KHNYN: variants seen among roughly 807,000 people sequenced by gnomAD.
KHNYN encodes KH and NYN domain containing.
Under a neutral mutation model 62.7 loss-of-function variants are expected in KHNYN, and 42 were observed. The observed-to-expected ratio is 0.67, with a 90% CI of 0.52 to 0.87. KHNYN has a LOEUF of 0.87. Ranked by LOEUF, KHNYN falls within the 40% of genes least tolerant of loss-of-function variation. The probability of loss-of-function intolerance (pLI) is 0.00; values close to 1 mark genes in which losing one functional copy is unlikely to be tolerated. For synonymous variants in KHNYN, 347 were observed against 345.6 expected, an observed-to-expected ratio of 1.00 and a Z score of -0.04; for missense variants, 829 against 874.1, an observed-to-expected ratio of 0.95 and a Z score of 0.65.
At chr14:24,434,540 G>C (rs1268234830) in intron 5 of KHNYN, 6 of 192,280 alleles carry the variant, frequency 3.1e-5, no homozygotes. Flanking sequence ...GAGTAGCTGG[G>C]ACTTCAGGTG....
In KHNYN at chr14:24,440,106, C is replaced by T. The variant is rs754180727; in HGVS notation, c.*2821C>T. On this transcript the variant is annotated 3_prime_UTR_variant, in exon 8 of 8. Coordinates refer to ENST00000553935, the MANE Select transcript of KHNYN (RefSeq NM_015299.3). The stretch of plus-strand genomic sequence containing the variant: ...ACTTAGGCTACAATTTCCTTTAAGG[C>T]AGCCCCTAGCTCTGGGAAGGAATAC... The T allele has an allele frequency of 2.5e-6, 4 of 1,604,708 alleles. No homozygotes were observed. In the Admixed American group the frequency reaches 6.7e-5, roughly 27 times the overall value.
In KHNYN at chr14:24,437,013, C is replaced by T; in HGVS notation, c.1788-23C>T. 7.5e-6 allele frequency: 12 copies of T among 1,602,468 alleles called. No individual in the cohort carries two copies. Among genetic ancestry groups the T allele is most frequent in the Non-Finnish European group, 9.4e-6 (11 of 1,171,964 alleles). Reference sequence around the variant, plus strand: ...TTCCCCCCCAGGATGCTCATCAGCTCTTTTTGGTCTGTTTCTTCCCAGGAC... The same window carrying T: ...TTCCCCCCCAGGATGCTCATCAGCTTTTTTTGGTCTGTTTCTTCCCAGGAC... On this transcript the variant is annotated intron_variant, in intron 7 of 7. Transcript: ENST00000553935. This position sits in a 1 kb window ranked among gnomAD's most constrained non-coding sequence, Gnocchi z 5.5.
Position 24,432,181 on chromosome 14 carries a change from T to C in KHNYN, c.920T>C (p.Leu307Pro), listed in dbSNP as rs564740655. 3 of 1,572,456 alleles carry C rather than the reference T, an allele frequency of 1.9e-6. No homozygotes were observed. Among genetic ancestry groups the C allele is most frequent in the South Asian group, 2.4e-5 (2 of 84,572 alleles). The change falls in exon 3 of 8, where the codon CTG becomes CCG. Residue 307 changes from leucine (L) to proline (P), a missense_variant. Leu to Pro is a moderately conservative substitution (Grantham distance 98). Around this residue, in one of 2 missense-constraint regions of KHNYN, gnomAD observed 559 missense variants for 527.0 expected, o/e 1.06. Transcript: ENST00000553935. This position sits in a 1 kb window ranked among gnomAD's most constrained non-coding sequence, Gnocchi z 5.6. ...RESAPLKGKA[L>P]GKEEIALGGG... Reference sequence around the variant, plus strand: ...TCAGCACCCCTGAAAGGGAAGGCCCTGGGGAAGGAGGAGATAGCTCTGGGA... The same window carrying C: ...TCAGCACCCCTGAAAGGGAAGGCCCCGGGGAAGGAGGAGATAGCTCTGGGA...
chr14:24,441,276 A>G lies in KHNYN; in HGVS notation c.*3991A>G. ...AGAATTTTCACATCTTTAAAATGGG[A>G]ATAATAGTACCTACCTCATAGGGTT... On this transcript the variant is annotated 3_prime_UTR_variant, in exon 8 of 8. Transcript: ENST00000553935. The G allele has an allele frequency of 2.2e-6, 1 of 453,736 alleles. No homozygotes were observed. Among genetic ancestry groups the G allele is most frequent in the South Asian group, 2.1e-5 (1 of 46,826 alleles). 28.1% of individuals were successfully genotyped at this position (453,736 alleles called of 1,614,324 possible). A position where few individuals can be genotyped will look rare whatever the true frequency, so the allele number is the denominator to read the frequency against.
intron 1 of KHNYN, 87 bp from the exon 2 acceptor site, chr14:24,430,627 C>T (rs2043089247): frequency 3.4e-6 from 5 of 1,488,200 alleles, no homozygotes; most frequent in South Asian, 1.3e-5. Context: ...TAACTAGGTG[C>T]GACCTGTTGA....
intron 5 of KHNYN, chr14:24,435,325 T>A (rs560852428): frequency 6.6e-6 from 1 of 152,356 alleles, no homozygotes; most frequent in South Asian, 2.1e-4. Context: ...AAGGGTGATT[T>A]GAGCTGGCCT....
Position 24,437,460 on chromosome 14 carries a change from A to G in KHNYN, c.*175A>G. ...TAAAGTGAACTGATCTTACCGAGTC[A>G]GGACCTCAGCCAGCTCTCAAGAGGT... is the stretch of plus-strand genomic sequence containing the variant. On this transcript the variant is annotated 3_prime_UTR_variant, in exon 8 of 8. Coordinates refer to ENST00000553935, the MANE Select transcript of KHNYN (RefSeq NM_015299.3). The surrounding 1 kb of genome is among the most constrained non-coding windows in gnomAD (Gnocchi z 5.5). The G allele has an allele frequency of 2.9e-6, 2 of 694,824 alleles. No homozygotes were observed. Among genetic ancestry groups the G allele is most frequent in the Non-Finnish European group, 4.7e-6 (2 of 430,070 alleles). 43.0% of individuals were successfully genotyped at this position (694,824 alleles called of 1,614,324 possible).
chr14:24,431,305 G>C (rs1269799342), intron 2 of KHNYN, among the ~76,000 whole-genome samples, 158 bp from the exon 3 acceptor site: 2 of 152,184 alleles, frequency 1.3e-5, no homozygotes, highest in Non-Finnish European at 2.9e-5. Context: ...TCATGTACCA[G>C]CTTTGTGATG....
rs2139395697 is a variant in KHNYN at position 24,436,394 on chromosome 14, G to A, written c.1692G>A (p.Leu564=). The change falls in exon 7 of 8, where the codon CTG becomes CTA. Residue 564 remains leucine, a synonymous_variant. Coordinates refer to ENST00000553935, the MANE Select transcript of KHNYN (RefSeq NM_015299.3). ...ATTATCTTTCGCCATCCAGCCTGCT[G>A]CCCTTTACCTTTGTGGGAAACCTCT... is the stretch of plus-strand genomic sequence containing the variant. ...KWMAIIRERL[L]PFTFVGNLFM... 2 of 1,613,994 alleles carry A rather than the reference G, an allele frequency of 1.2e-6. No homozygotes were observed. The highest frequency in any genetic ancestry group is 2.2e-5 in the East Asian group (1 of 44,892).
chr14:24,434,078 A>C (rs4982912), intron 5 of KHNYN: 1 of 926,584 alleles, frequency 1.1e-6, no homozygotes, highest in South Asian at 5.0e-5. Context: ...CGTTCTCCCA[A>C]TGTTATTCTA....
At chr14:24,428,378 C>A (rs2043045982), upstream of KHNYN, 14 of 1,613,828 alleles carry the variant, frequency 8.7e-6, no homozygotes, top group Admixed American at 1.7e-5. Context: ...GAGGCCCGGT[C>A]AAAGCCACCG....
chr14:24,426,096 A>C (rs1323289159), upstream of KHNYN, among the ~76,000 whole-genome samples: 1 of 152,246 alleles, frequency 6.6e-6, no homozygotes, highest in Non-Finnish European at 1.5e-5. Context: ...CACACTTTAT[A>C]GTGACTTCTT....
At chr14:24,434,699 G>C (rs1442978681) in intron 5 of KHNYN, among the ~76,000 whole-genome samples, 1 of 152,166 alleles carries the variant, frequency 6.6e-6, no homozygotes, top group African/African-American at 2.4e-5. Context: ...CACCAAGCCC[G>C]GCCATAGACA....
At chr14:24,428,416 C>CA, upstream of KHNYN, 1 of 1,613,552 alleles carries the variant, frequency 6.2e-7, no homozygotes, top group East Asian at 2.2e-5. Context: ...CTGGGGGAAG[C>CA]AGAGCCTGCT....
chr14:24,429,164 G>T, upstream of KHNYN: 1 of 1,181,682 alleles, frequency 8.5e-7, no homozygotes, highest in Non-Finnish European at 1.2e-6. Context: ...GCCCTCTCTA[G>T]GCTCGCTGAA....
intron 5 of KHNYN, chr14:24,434,149 A>G: frequency 8.1e-6 from 8 of 985,134 alleles, no homozygotes; most frequent in South Asian, 4.7e-5. Context: ...ACCTGCATTG[A>G]AACAGAATTG....
Position 24,441,645 on chromosome 14 carries a change from A to G in KHNYN, c.*4360A>G, listed in dbSNP as rs770512890. On this transcript the variant is annotated 3_prime_UTR_variant, in exon 8 of 8. Coordinates refer to ENST00000553935, the MANE Select transcript of KHNYN (RefSeq NM_015299.3). ...GAGTTACCCCGTTCCCCTGGCGAATATAAGGGGCTGGTGATTTGGGGGGCG... is the reference window on the plus strand; with the variant it reads ...GAGTTACCCCGTTCCCCTGGCGAATGTAAGGGGCTGGTGATTTGGGGGGCG... 1.3e-6 allele frequency: 2 copies of G among 1,557,562 alleles called. No individual in the cohort carries two copies. The highest frequency in any genetic ancestry group is 1.7e-6 in the Non-Finnish European group (2 of 1,153,730).
chr14:24,426,700 G>A (rs1434371986), upstream of KHNYN: 3 of 152,140 alleles, frequency 2.0e-5, no homozygotes, highest in African/African-American at 7.2e-5. Context: ...ATTCATCCAG[G>A]CTGGGCCAAT....
chr14:24,432,014 CACTT>C lies in KHNYN; in HGVS notation c.756_759del (p.Tyr253LeufsTer49), dbSNP rs758799235. On this transcript the variant is annotated frameshift_variant, in exon 3 of 8. Coordinates refer to ENST00000553935, the MANE Select transcript of KHNYN (RefSeq NM_015299.3). LOFTEE classifies it high-confidence loss of function. The surrounding 1 kb of genome is among the most constrained non-coding windows in gnomAD (Gnocchi z 5.6). ...GAGATTGCAGGGGAGCAAGGGGAGA[CACTT>C]ACGCTGTGGAGAAGGAGGGAGGGAA... 27 of 1,608,726 alleles carry C rather than the reference CACTT, an allele frequency of 1.7e-5. No individual in the cohort carries two copies. The highest frequency in any genetic ancestry group is 3.3e-5 in the Admixed American group (2 of 59,734).
Sources: allele counts gnomAD v4.1 joint callset (sites outside exome capture counted in the v4.1 genomes callset), GRCh38; gene constraint gnomAD v4.1.1; regional missense constraint gnomAD v4.1.1; non-coding constraint Gnocchi (gnomAD v3.1); transcripts MANE v1.5; gene names NCBI Gene and HGNC (gene_info 2026-07-23, HGNC 2026-07-21).